Variants in CADM1 observed in about 807,000 individuals in gnomAD.
The protein encoded by CADM1 is cell adhesion molecule 1, also known as TSLC-1.
A neutral mutation model predicts 53.1 loss-of-function variants in CADM1; 15 were observed. The observed-to-expected ratio is 0.28, with a 90% CI of 0.19 to 0.44. The LOEUF is 0.44. CADM1 is among the 20% of genes least tolerant of loss of function. CADM1 has a pLI of 1.00. For synonymous variants in CADM1, 281 were observed against 243.0 expected, an observed-to-expected ratio of 1.16 and a Z score of -1.45; for missense variants, 434 against 611.3, an observed-to-expected ratio of 0.71 and a Z score of 3.06.
chr11:115,475,214 T>C (rs956576702), intron 1 of CADM1, among the ~76,000 whole-genome samples: 14 of 152,224 alleles, frequency 9.2e-5, no homozygotes, highest in African/African-American at 3.4e-4. Context: ...GTAAATGCTA[T>C]ATAGTTGTTA....
At chr11:115,344,367 G>A (rs987399541) in intron 1 of CADM1, among the ~76,000 whole-genome samples, 5 of 152,008 alleles carry the variant, frequency 3.3e-5, no homozygotes, top group Admixed American at 1.3e-4. Flanking sequence ...CTCTAAGTCC[G>A]GTCCGCCAGG....
chr11:115,191,268 T>G (rs1318559518), intron 9 of CADM1, among the ~76,000 whole-genome samples: 1 of 152,236 alleles, frequency 6.6e-6, no homozygotes. Context: ...TGCTCTGATA[T>G]CTCTTAAATA....
At chr11:115,424,680 C>T (rs1247657248) in intron 1 of CADM1, among the ~76,000 whole-genome samples, 1 of 152,046 alleles carries the variant, frequency 6.6e-6, no homozygotes, top group Admixed American at 6.6e-5. Context: ...ATGTGCACCA[C>T]CATGCCCAGC....
intron 1 of CADM1, among the ~76,000 whole-genome samples, chr11:115,344,809 C>A (rs1476763806): frequency 1.3e-5 from 2 of 152,200 alleles, no homozygotes; most frequent in Non-Finnish European, 2.9e-5. Flanking sequence ...TCCATTCAGT[C>A]CATCCTTCAC....
At chr11:115,299,732 T>G (rs1291348841) in intron 1 of CADM1, among the ~76,000 whole-genome samples, 1 of 152,132 alleles carries the variant, frequency 6.6e-6, no homozygotes, top group African/African-American at 2.4e-5. Context: ...GGAGATGGCC[T>G]TGAAAATCAC....
intron 1 of CADM1, among the ~76,000 whole-genome samples, chr11:115,403,134 C>G (rs1947206865): frequency 6.6e-6 from 1 of 152,186 alleles, no homozygotes; most frequent in Non-Finnish European, 1.5e-5. Context: ...TATAGACTTC[C>G]TCATACGTTA....
intron 1 of CADM1, among the ~76,000 whole-genome samples, chr11:115,457,125 C>T (rs1948699155): frequency 6.6e-6 from 1 of 152,128 alleles, no homozygotes; most frequent in South Asian, 2.1e-4. Flanking sequence ...CCTCCACAAC[C>T]CTAAGAGGTG....
At position 115,343,054 on chromosome 11, in the gene CADM1, A is replaced by G. The variant is rs112487253; in HGVS notation, c.125-102634T>C. On this transcript the variant is annotated intron_variant, in intron 1 of 11. Coordinates refer to ENST00000331581, the MANE Select transcript of CADM1 (RefSeq NM_001301043.2). The stretch of plus-strand genomic sequence containing the variant: ...ATTATTCTTCATTATGAAGATTATG[A>G]TGGTAATAATGAAAATGATTATCTT... Among the ~76,000 whole-genome samples the G allele has an allele frequency of 8.5e-3, 1,292 of 152,264 alleles. 18 individuals carry two copies. Among genetic ancestry groups the G allele is most frequent in the African/African-American group, 0.028 (1,152 of 41,560 alleles).
chr11:115,489,282 C>A (rs1949441585), intron 1 of CADM1, among the ~76,000 whole-genome samples: 1 of 152,184 alleles, frequency 6.6e-6, no homozygotes, highest in South Asian at 2.1e-4. Context: ...ACGTTGATAG[C>A]TCTTCATTCA....
intron 1 of CADM1, among the ~76,000 whole-genome samples, chr11:115,308,191 TG>T (rs1944433280): frequency 1.4e-5 from 1 of 72,236 alleles, no homozygotes; most frequent in Non-Finnish European, 2.4e-5. Flanking sequence ...CACTCATAGG[TG>T]TGTATATATA....
chr11:115,343,655 G>C (rs1945503919), intron 1 of CADM1, among the ~76,000 whole-genome samples: 1 of 148,994 alleles, frequency 6.7e-6, no homozygotes, highest in African/African-American at 2.5e-5. Flanking sequence ...TATTCTATCA[G>C]ATTATACACA....
chr11:115,438,093 C>T (rs1948223380), intron 1 of CADM1, among the ~76,000 whole-genome samples: 1 of 152,124 alleles, frequency 6.6e-6, no homozygotes, highest in African/African-American at 2.4e-5. Flanking sequence ...ACATCTGGCC[C>T]ATAACAAAAT....
intron 1 of CADM1, among the ~76,000 whole-genome samples, chr11:115,265,893 A>G (rs988096091): frequency 2.0e-5 from 3 of 152,156 alleles, no homozygotes; most frequent in Admixed American, 6.5e-5. Context: ...ATGTAGCTCA[A>G]TTAGGAGGAC....
intron 1 of CADM1, among the ~76,000 whole-genome samples, chr11:115,310,916 T>C (rs1428282721): frequency 2.0e-5 from 3 of 152,204 alleles, no homozygotes; most frequent in African/African-American, 7.2e-5. Flanking sequence ...GTCTGTGGCA[T>C]CTTATCATTT....
chr11:115,370,595 C>G (rs1349298306), intron 1 of CADM1, among the ~76,000 whole-genome samples: 1 of 152,168 alleles, frequency 6.6e-6, no homozygotes, highest in Admixed American at 6.5e-5. Context: ...AGAGAAGAGT[C>G]TCAGAATCAA....
At position 115,504,384 on chromosome 11, in the gene CADM1, A is replaced by G. The variant is rs752658601; in HGVS notation, c.11T>C (p.Val4Ala). ...ACACTGGGATCCGCTCGGCAGCACT[A>G]CACTCGCCATGTCGGGCACCTGCCT... MASVVLPSGSQCAA... is the reference protein window; with the variant it reads MASAVLPSGSQCAA... Residue 4 changes from valine (V) to alanine (A), a missense_variant, in exon 1 of 12, where the codon GTA becomes GCA. Coordinates refer to ENST00000331581, the MANE Select transcript of CADM1 (RefSeq NM_001301043.2). 5 of 1,546,814 alleles carry G rather than the reference A, an allele frequency of 3.2e-6. No homozygotes were observed. The highest frequency in any genetic ancestry group is 4.4e-6 in the Non-Finnish European group (5 of 1,146,076).
chr11:115,444,862 T>C (rs1233515352), intron 1 of CADM1, among the ~76,000 whole-genome samples: 3 of 152,178 alleles, frequency 2.0e-5, no homozygotes, highest in Non-Finnish European at 4.4e-5. Flanking sequence ...AAATCAACCA[T>C]AGCTTCTACG....
At chr11:115,393,900 G>A (rs1042883857) in intron 1 of CADM1, among the ~76,000 whole-genome samples, 12 of 151,984 alleles carry the variant, frequency 7.9e-5, no homozygotes, top group South Asian at 2.1e-4. Context: ...CACCGACCAC[G>A]GTAATAAATC....
chr11:115,239,713 G>GTT lies in CADM1; in HGVS notation c.271+559_271+560dup, dbSNP rs34524829. Among the ~76,000 whole-genome samples, 234 of 143,104 alleles carry GTT rather than the reference G, an allele frequency of 1.6e-3. 1 individual carries two copies. The highest frequency in any genetic ancestry group is 0.01 in the East Asian group (51 of 4,936). 93.9% of individuals were successfully genotyped at this position (143,104 alleles called of 152,430 possible). On this transcript the variant is annotated intron_variant, in intron 2 of 11. Transcript: ENST00000331581. ...CGATGCTCTCCAATAACAGTTTTTGGTTTTTTTTTTTTTCAAAAGATTTGA... is the reference window on the plus strand; with the variant it reads ...CGATGCTCTCCAATAACAGTTTTTGGTTTTTTTTTTTTTTTCAAAAGATTTGA...
Sources: allele counts gnomAD v4.1 joint callset (sites outside exome capture counted in the v4.1 genomes callset), GRCh38; gene constraint gnomAD v4.1.1; transcripts MANE v1.5; gene names NCBI Gene and HGNC (gene_info 2026-07-23, HGNC 2026-07-21).